Variants in DNM3 observed in about 807,000 individuals in gnomAD.
DNM3 encodes dynamin 3.
Under a neutral mutation model 101.6 loss-of-function variants are expected in DNM3, and 47 were observed. The ratio of observed to expected loss-of-function variants is 0.46; its 90% CI spans 0.37 to 0.59. The LOEUF (loss-of-function observed/expected upper bound fraction) is 0.59, where lower values mean the gene tolerates loss of function less well. Ranked by LOEUF, DNM3 falls within the 20% of genes least tolerant of loss-of-function variation. The probability of loss-of-function intolerance (pLI) is 0.00; values close to 1 mark genes in which losing one functional copy is unlikely to be tolerated. For synonymous variants in DNM3, 385 were observed against 387.9 expected (o/e 0.99, Z 0.09); for missense variants, 849 against 1,085.7 (o/e 0.78, Z 3.06).
chr1:172,065,755 C>T (rs1002968031), intron 10 of DNM3, among the ~76,000 whole-genome samples: 2 of 152,016 alleles, frequency 1.3e-5, no homozygotes, highest in East Asian at 1.9e-4. Context: ...AGTCAGGTTT[C>T]TATGGTTTTA....
intron 15 of DNM3, among the ~76,000 whole-genome samples, chr1:172,262,022 T>A (rs2062675217): frequency 6.6e-6 from 1 of 152,144 alleles, no homozygotes; most frequent in African/African-American, 2.4e-5. Flanking sequence ...TCAGTGGTAC[T>A]GGCTATGGTA....
At chr1:172,114,810 T>A (rs1039815274) in intron 13 of DNM3, among the ~76,000 whole-genome samples, 31 of 151,970 alleles carry the variant, frequency 2.0e-4, no homozygotes, top group Admixed American at 2.0e-4. Flanking sequence ...TGCTACCTCC[T>A]TAGGAGTGTT....
At chr1:172,321,587 C>A (rs1339278141) in intron 16 of DNM3, among the ~76,000 whole-genome samples, 1 of 152,160 alleles carries the variant, frequency 6.6e-6, no homozygotes, top group East Asian at 1.9e-4. Context: ...ACACCACGTC[C>A]TCCGCTTGTG....
intron 12 of DNM3, among the ~76,000 whole-genome samples, chr1:172,082,417 A>G (rs2053228792): frequency 6.6e-6 from 1 of 151,094 alleles, no homozygotes; most frequent in Non-Finnish European, 1.5e-5. Flanking sequence ...AAATATTGCC[A>G]TTTTTCATAT....
downstream of DNM3, among the ~76,000 whole-genome samples, chr1:172,416,041 T>C (rs2071415687): frequency 6.6e-6 from 1 of 152,188 alleles, no homozygotes; most frequent in South Asian, 2.1e-4. Context: ...CTTTACCTGA[T>C]TTGGCCAAAA....
At chr1:172,134,472 T>C (rs1008314650) in intron 14 of DNM3, among the ~76,000 whole-genome samples, 1 of 152,162 alleles carries the variant, frequency 6.6e-6, no homozygotes, top group African/African-American at 2.4e-5. Context: ...ATTTTAGAGA[T>C]AAAGAATTGA....
intron 2 of DNM3, among the ~76,000 whole-genome samples, chr1:171,975,035 T>G (rs1172963443): frequency 1.3e-5 from 2 of 152,152 alleles, no homozygotes; most frequent in Non-Finnish European, 2.9e-5. Flanking sequence ...AAGATTTTTT[T>G]TTTTTAAGAG....
chr1:172,314,651 G>A (rs940437910), intron 16 of DNM3, among the ~76,000 whole-genome samples: 17 of 152,344 alleles, frequency 1.1e-4, no homozygotes, highest in African/African-American at 3.6e-4. Flanking sequence ...ACAGCAGTCT[G>A]AGATCAAACT....
intron 9 of DNM3, 63 bp from the exon 10 acceptor site, chr1:172,048,549 A>G (rs2049979304): frequency 1.6e-5 from 25 of 1,520,348 alleles, no homozygotes. Context: ...ACATTTTTCA[A>G]AAGATTTTTG....
chr1:172,203,771 C>T (rs974121643), intron 14 of DNM3, among the ~76,000 whole-genome samples: 1 of 152,098 alleles, frequency 6.6e-6, no homozygotes, highest in Non-Finnish European at 1.5e-5. Flanking sequence ...TGGTACCAGA[C>T]TAAAATTTGT....
intron 11 of DNM3, among the ~76,000 whole-genome samples, chr1:172,080,049 G>A (rs1164240827): frequency 6.6e-6 from 1 of 152,204 alleles, no homozygotes; most frequent in African/African-American, 2.4e-5. Flanking sequence ...CCTGTATGAG[G>A]TGTCTGTTGA....
chr1:171,975,844 G>A (rs188975818), intron 2 of DNM3, among the ~76,000 whole-genome samples: 2 of 152,262 alleles, frequency 1.3e-5, no homozygotes, highest in African/African-American at 2.4e-5. Context: ...CAGGTTCCAC[G>A]GTTTGTGCCT....
At chr1:172,232,187 G>A (rs1039718491) in intron 14 of DNM3, among the ~76,000 whole-genome samples, 8 of 152,132 alleles carry the variant, frequency 5.3e-5, no homozygotes, top group Non-Finnish European at 7.3e-5. Flanking sequence ...TAAAGGGATG[G>A]AGGAAGATCT....
intron 5 of DNM3, among the ~76,000 whole-genome samples, 180 bp downstream of exon 5, chr1:172,032,680 A>G (rs2048702971): frequency 6.6e-6 from 1 of 152,042 alleles, no homozygotes; most frequent in Non-Finnish European, 1.5e-5. Flanking sequence ...CCCAAATGAT[A>G]TACTAGAAAA....
intron 15 of DNM3, among the ~76,000 whole-genome samples, chr1:172,290,884 A>T (rs2063884867): frequency 6.6e-6 from 1 of 152,186 alleles, no homozygotes; most frequent in Non-Finnish European, 1.5e-5. Flanking sequence ...CGAGACAAAA[A>T]GAGATTAAGA....
intron 16 of DNM3, among the ~76,000 whole-genome samples, chr1:172,312,933 A>G (rs1218171206): frequency 3.3e-5 from 5 of 152,194 alleles, no homozygotes; most frequent in Non-Finnish European, 7.4e-5. Flanking sequence ...TTTTTGTCTG[A>G]GCAGTGGCAT....
intron 13 of DNM3, among the ~76,000 whole-genome samples, chr1:172,097,202 C>G (rs2054304025): frequency 6.6e-6 from 1 of 151,942 alleles, no homozygotes; most frequent in Non-Finnish European, 1.5e-5. Flanking sequence ...GAGATTGAGA[C>G]CATTCTGGCC....
intron 15 of DNM3, among the ~76,000 whole-genome samples, chr1:172,302,811 C>A (rs1483143945): frequency 6.6e-6 from 1 of 152,162 alleles, no homozygotes; most frequent in Non-Finnish European, 1.5e-5. Context: ...AGAAAACTGA[C>A]AAACAGAAAG....
At chr1:171,911,509 C>T (rs181836201) in intron 1 of DNM3, among the ~76,000 whole-genome samples, 47 of 152,210 alleles carry the variant, frequency 3.1e-4, no homozygotes, top group African/African-American at 1.1e-3. Context: ...TCTCGAACTC[C>T]CAACCTCAGG....
Sources: gnomAD v4.1 joint callset for allele counts (sites outside exome capture counted in the v4.1 genomes callset) on GRCh38, gnomAD v4.1.1 for gene constraint, MANE v1.5 for transcripts, NCBI Gene and HGNC (gene_info 2026-07-23, HGNC 2026-07-21) for gene names.